Variants in CAST observed in about 807,000 individuals in gnomAD.
CAST encodes the protein MIR583 host.
Under a neutral mutation model 119.6 loss-of-function variants are expected in CAST, and 76 were observed. That is an observed-to-expected ratio of 0.64 (90% confidence interval 0.53 to 0.77). CAST has a LOEUF of 0.77. Ranked by LOEUF, CAST falls within the 30% of genes least tolerant of loss-of-function variation. The probability of loss-of-function intolerance (pLI) is 0.00; values close to 1 mark genes in which losing one functional copy is unlikely to be tolerated. For missense variants in CAST, 953 were observed against 946.5 expected (o/e 1.01, Z -0.09); for synonymous variants, 319 against 331.6 (o/e 0.96, Z 0.41).
intron 1 of CAST, among the ~76,000 whole-genome samples, chr5:96,559,544 A>T (rs953295084): frequency 4.6e-5 from 7 of 152,234 alleles, no homozygotes; most frequent in African/African-American, 1.4e-4. Context: ...AAAAATCACA[A>T]GCATTCTTAT....
the CAST span, among the ~76,000 whole-genome samples, chr5:96,242,548 A>T: frequency 6.6e-6 from 1 of 152,164 alleles, no homozygotes; most frequent in East Asian, 1.9e-4. Context: ...CAATTAAGAG[A>T]CTATGTACTG....
intron 9 of CAST, among the ~76,000 whole-genome samples, chr5:96,731,168 C>A (rs973617101): frequency 1.5e-4 from 23 of 152,108 alleles, no homozygotes; most frequent in Non-Finnish European, 1.2e-4. Flanking sequence ...TGAAATAAAG[C>A]AAATACAATT....
chr5:96,707,489 C>T (rs1755243733), intron 3 of CAST, among the ~76,000 whole-genome samples: 1 of 151,924 alleles, frequency 6.6e-6, no homozygotes, highest in Non-Finnish European at 1.5e-5. Context: ...TGGGTTCAAG[C>T]AATTCTCCTG....
chr5:96,101,410 G>A, the CAST span, among the ~76,000 whole-genome samples: 1 of 152,170 alleles, frequency 6.6e-6, no homozygotes, highest in Non-Finnish European at 1.5e-5. Context: ...CTCTCTCACT[G>A]TAAATATTAC....
the CAST span, among the ~76,000 whole-genome samples, chr5:95,991,177 G>A: frequency 6.6e-6 from 1 of 152,242 alleles, no homozygotes; most frequent in African/African-American, 2.4e-5. Context: ...TTAAATATAT[G>A]GTTCTCCTAT....
the CAST span, among the ~76,000 whole-genome samples, chr5:96,117,541 T>G: frequency 6.6e-6 from 1 of 152,212 alleles, no homozygotes; most frequent in Non-Finnish European, 1.5e-5. Flanking sequence ...GTGTCAGATG[T>G]GCAGAAAGAA....
the CAST span, among the ~76,000 whole-genome samples, chr5:96,098,233 C>A: frequency 6.6e-6 from 1 of 152,156 alleles, no homozygotes; most frequent in African/African-American, 2.4e-5. Flanking sequence ...AGACCTTTGT[C>A]AGATGCATAG....
At chr5:96,734,425 T>C (rs1203060000) in intron 9 of CAST, among the ~76,000 whole-genome samples, 1 of 152,194 alleles carries the variant, frequency 6.6e-6, no homozygotes, top group Non-Finnish European at 1.5e-5. Flanking sequence ...AGGGACTGTT[T>C]CAGTAGTCCT....
intron 1 of CAST, among the ~76,000 whole-genome samples, chr5:96,613,368 A>C (rs1232196007): frequency 2.6e-5 from 4 of 152,166 alleles, no homozygotes; most frequent in Non-Finnish European, 4.4e-5. Flanking sequence ...GAAATTTCAT[A>C]CTTTTTTCAT....
chr5:96,040,706 C>T, the CAST span, among the ~76,000 whole-genome samples: 53 of 152,276 alleles, frequency 3.5e-4, no homozygotes, highest in Non-Finnish European at 7.4e-5. Context: ...ACCAGCCTTG[C>T]ATCCCAGGGA....
chr5:96,587,048 T>C (rs1397739186), intron 1 of CAST, among the ~76,000 whole-genome samples: 2 of 152,272 alleles, frequency 1.3e-5, no homozygotes, highest in Non-Finnish European at 2.9e-5. Flanking sequence ...CTCTTTCTAC[T>C]ACCTCACACT....
the CAST span, among the ~76,000 whole-genome samples, chr5:96,453,691 A>G: frequency 6.6e-6 from 1 of 152,366 alleles, no homozygotes; most frequent in Admixed American, 6.5e-5. Context: ...CAAAGCATGC[A>G]TGGAATATGA....
At chr5:96,252,982 G>A in the CAST span, among the ~76,000 whole-genome samples, 1 of 152,038 alleles carries the variant, frequency 6.6e-6, no homozygotes, top group Non-Finnish European at 1.5e-5. Flanking sequence ...ATTAAGAAGT[G>A]TGTATTTCAA....
intron 9 of CAST, among the ~76,000 whole-genome samples, chr5:96,731,393 C>T (rs1355813003): frequency 1.3e-5 from 2 of 151,172 alleles, no homozygotes; most frequent in African/African-American, 4.9e-5. Flanking sequence ...CAATACTTGC[C>T]CAGGAATATA....
At chr5:96,578,846 C>T (rs1746720305) in intron 1 of CAST, among the ~76,000 whole-genome samples, 1 of 152,050 alleles carries the variant, frequency 6.6e-6, no homozygotes, top group African/African-American at 2.4e-5. Context: ...TTTTAGCAGG[C>T]AGTTACCCTA....
At chr5:96,739,190 A>G (rs1419907641) in intron 11 of CAST, among the ~76,000 whole-genome samples, 1 of 152,194 alleles carries the variant, frequency 6.6e-6, no homozygotes, top group Non-Finnish European at 1.5e-5. Flanking sequence ...AAGTCTGACA[A>G]TTCCTATAGT....
the CAST span, among the ~76,000 whole-genome samples, chr5:96,134,943 T>G: frequency 1.3e-5 from 2 of 152,082 alleles, no homozygotes; most frequent in Non-Finnish European, 2.9e-5. Flanking sequence ...AGGAGGGACA[T>G]GGGAGCTGAC....
the CAST span, among the ~76,000 whole-genome samples, chr5:96,048,715 C>G: frequency 1.3e-5 from 2 of 152,006 alleles, no homozygotes; most frequent in Non-Finnish European, 2.9e-5. Flanking sequence ...TCAGAACTTC[C>G]CCATTTCTGA....
the CAST span, among the ~76,000 whole-genome samples, chr5:96,168,470 G>A: frequency 3.9e-5 from 6 of 152,298 alleles, no homozygotes; most frequent in Non-Finnish European, 5.9e-5. Flanking sequence ...ATATTGACGC[G>A]TAATTCCTTT....
Sources: allele counts gnomAD v4.1 joint callset (sites outside exome capture counted in the v4.1 genomes callset), GRCh38; gene constraint gnomAD v4.1.1; transcripts MANE v1.5; gene names NCBI Gene and HGNC (gene_info 2026-07-23, HGNC 2026-07-21).